Variants in ZC3H6 observed in about 807,000 individuals in gnomAD.
ZC3H6 encodes the protein zinc finger CCCH domain-containing protein 6.
A neutral mutation model predicts 107.7 loss-of-function variants in ZC3H6; 40 were observed. The ratio of observed to expected loss-of-function variants is 0.37; its 90% CI spans 0.29 to 0.48. The LOEUF (loss-of-function observed/expected upper bound fraction) is 0.48. Among genes scored for constraint, ZC3H6 ranks in the 20% least tolerant of loss-of-function variants. The pLI, the probability that ZC3H6 is intolerant of heterozygous loss-of-function variation, is 0.98. For missense variants in ZC3H6, 1,267 were observed against 1,410.4 expected (o/e 0.90, Z 1.63); for synonymous variants, 493 against 487.9 (o/e 1.01, Z -0.14).
At chr2:112,330,448 A>G (rs925262979) in intron 11 of ZC3H6, among the ~76,000 whole-genome samples, 1 of 152,198 alleles carries the variant, frequency 6.6e-6, no homozygotes, top group East Asian at 1.9e-4. Flanking sequence ...AAAAGTCTCT[A>G]CCCCATTCCT....
rs35731327 is a variant in ZC3H6 at position 112,337,070 on chromosome 2, CTT to C, written c.*4585_*4586del. The C allele has an allele frequency of 6.6e-6, 1 of 152,134 alleles. No homozygotes were observed. Among genetic ancestry groups the C allele is most frequent in the Non-Finnish European group, 1.5e-5 (1 of 68,030 alleles). The allele number at this position is 152,134 out of a possible 1,614,324, so 9.4% of individuals were successfully genotyped here. A position where few individuals can be genotyped will look rare whatever the true frequency, so the allele number is the denominator to read the frequency against. On this transcript the variant is annotated 3_prime_UTR_variant, in exon 12 of 12. Transcript: ENST00000409871. Reference sequence around the variant, plus strand: ...AGAATGCACCTTATGGGTTATATCTCTTTTGGTAGACAGCCCACCTGCTCTTT... The same window carrying C: ...AGAATGCACCTTATGGGTTATATCTCTTGGTAGACAGCCCACCTGCTCTTT...
chr2:112,308,776 A>G (rs1386519026), intron 3 of ZC3H6, among the ~76,000 whole-genome samples: 7 of 150,042 alleles, frequency 4.7e-5, no homozygotes, highest in African/African-American at 1.5e-4. Context: ...TAACCTGGCC[A>G]GGCACAGTGG....
intron 1 of ZC3H6, among the ~76,000 whole-genome samples, chr2:112,280,417 TA>T (rs1237896798): frequency 2.6e-5 from 4 of 152,174 alleles, no homozygotes; most frequent in African/African-American, 9.7e-5. Context: ...CAACCTCTCA[TA>T]AACAAATATT....
At chr2:112,283,280 C>A (rs1686557596) in intron 1 of ZC3H6, among the ~76,000 whole-genome samples, 1 of 152,114 alleles carries the variant, frequency 6.6e-6, no homozygotes, top group African/African-American at 2.4e-5. Flanking sequence ...TGGCAAAAAG[C>A]AAGCTTTCTC....
At chr2:112,320,846 A>C (rs1203477486) in intron 7 of ZC3H6, among the ~76,000 whole-genome samples, 1 of 152,144 alleles carries the variant, frequency 6.6e-6, no homozygotes, top group Non-Finnish European at 1.5e-5. Context: ...TGTGGCAGAC[A>C]TAAAACATGT....
At chr2:112,287,698 T>C (rs1686633057) in intron 1 of ZC3H6, among the ~76,000 whole-genome samples, 1 of 152,112 alleles carries the variant, frequency 6.6e-6, no homozygotes, top group Non-Finnish European at 1.5e-5. Context: ...ACCTCCCGGG[T>C]TCACGCTATT....
At chr2:112,287,559 A>C (rs1285195016) in intron 1 of ZC3H6, among the ~76,000 whole-genome samples, 1 of 152,228 alleles carries the variant, frequency 6.6e-6, no homozygotes, top group Non-Finnish European at 1.5e-5. Flanking sequence ...GCAGATAATT[A>C]ATAATTATCA....
chr2:112,317,190 T>C, intron 6 of ZC3H6, 31 bp from the exon 7 acceptor site: 1 of 1,201,262 alleles, frequency 8.3e-7, no homozygotes, highest in Non-Finnish European at 1.1e-6. Context: ...TACCTTTTTT[T>C]CTTTTTTCTT....
At position 112,322,953 on chromosome 2, in the gene ZC3H6, T is replaced by C. The variant is rs561473854; in HGVS notation, c.1340+51T>C. On this transcript the variant is annotated intron_variant, in intron 9 of 11. Transcript: ENST00000409871. Reference sequence around the variant, plus strand: ...ATCAAATATTTTTTTCTGAAAATTATCATTAAGAAACTAAGTCATACTCCA... The same window carrying C: ...ATCAAATATTTTTTTCTGAAAATTACCATTAAGAAACTAAGTCATACTCCA... 21 of 1,520,702 alleles carry C rather than the reference T, an allele frequency of 1.4e-5. No homozygotes were observed. The African/African-American group carries it at 2.9e-4, about 21-fold the overall frequency. The allele number at this position is 1,520,702 out of a possible 1,614,324, so 94.2% of individuals were successfully genotyped here.
intron 1 of ZC3H6, among the ~76,000 whole-genome samples, chr2:112,282,761 A>G (rs1321062814): frequency 2.0e-5 from 3 of 152,246 alleles, no homozygotes; most frequent in East Asian, 3.8e-4. Flanking sequence ...ATAGTTGCCT[A>G]CTGAACAAGA....
chr2:112,282,431 C>T (rs2104692008), intron 1 of ZC3H6, among the ~76,000 whole-genome samples: 1 of 152,348 alleles, frequency 6.6e-6, no homozygotes, highest in Non-Finnish European at 1.5e-5. Context: ...TTGTTTAGCA[C>T]TTGCTATGTG....
chr2:112,280,882 T>C (rs975502092), intron 1 of ZC3H6, among the ~76,000 whole-genome samples: 1 of 152,136 alleles, frequency 6.6e-6, no homozygotes, highest in African/African-American at 2.4e-5. Flanking sequence ...TCAAAGTCTT[T>C]TAAGCAGGAG....
chr2:112,321,568 A>G (rs955207505), intron 7 of ZC3H6, among the ~76,000 whole-genome samples, 188 bp from the exon 8 acceptor site: 34 of 152,006 alleles, frequency 2.2e-4, no homozygotes, highest in African/African-American at 8.2e-4. Flanking sequence ...TGTGTTAAGA[A>G]CACTTAGCAT....
intron 1 of ZC3H6, among the ~76,000 whole-genome samples, chr2:112,294,976 A>G (rs1461121729): frequency 1.3e-5 from 2 of 152,130 alleles, no homozygotes; most frequent in African/African-American, 4.8e-5. Context: ...TGTACAGATC[A>G]CTGGTTTTTA....
rs1298030680 is a variant in ZC3H6, at chr2:112,339,183, C to G, written c.*6695C>G. 3.3e-5 allele frequency: 5 copies of G among 152,006 alleles called. No individual in the cohort carries two copies. In the South Asian group the frequency reaches 1.0e-3, roughly 31 times the overall value. 9.4% of individuals were successfully genotyped at this position (152,006 alleles called of 1,614,324 possible). A position where few individuals can be genotyped will look rare whatever the true frequency, so the allele number is the denominator to read the frequency against. On this transcript the variant is annotated 3_prime_UTR_variant, in exon 12 of 12. Transcript: ENST00000409871. Reference sequence around the variant, plus strand: ...TGCTGGCCTTACAGGCATGAGCCACCACACCTGGCCTAGACTATACCTTTT... The same window carrying G: ...TGCTGGCCTTACAGGCATGAGCCACGACACCTGGCCTAGACTATACCTTTT...
chr2:112,279,021 C>A (rs530113795), intron 1 of ZC3H6, among the ~76,000 whole-genome samples: 32 of 152,168 alleles, frequency 2.1e-4, no homozygotes, highest in Admixed American at 3.9e-4. Context: ...TATTTTCACA[C>A]CTGGAGTTAA....
At chr2:112,301,728 TAAC>T (rs1676383228) in intron 2 of ZC3H6, among the ~76,000 whole-genome samples, 1 of 151,648 alleles carries the variant, frequency 6.6e-6, no homozygotes, top group Non-Finnish European at 1.5e-5. Context: ...CATAGAATAA[TAAC>T]AAAACAAAAC....
At chr2:112,285,274 A>G (rs1364400792) in intron 1 of ZC3H6, among the ~76,000 whole-genome samples, 1 of 152,192 alleles carries the variant, frequency 6.6e-6, no homozygotes, top group Non-Finnish European at 1.5e-5. Context: ...AAATTTTAAC[A>G]TACAAAGTGA....
chr2:112,329,662 A>G (rs1382753193), intron 11 of ZC3H6, among the ~76,000 whole-genome samples: 1 of 152,238 alleles, frequency 6.6e-6, no homozygotes, highest in Non-Finnish European at 1.5e-5. Context: ...TGTAGTAGGC[A>G]TGCATTAGTG....
Sources: gnomAD v4.1 joint callset for allele counts (sites outside exome capture counted in the v4.1 genomes callset) on GRCh38, gnomAD v4.1.1 for gene constraint, MANE v1.5 for transcripts, NCBI Gene and HGNC (gene_info 2026-07-23, HGNC 2026-07-21) for gene names.